The following ZNF20 variants were observed in gnomAD, a reference collection of about 807,000 sequenced individuals.
The protein encoded by ZNF20 is zinc finger protein KOX13.
In ZNF20, 9 loss-of-function variants were observed where a neutral mutation model predicts 11.0. That is an observed-to-expected ratio of 0.82 (90% CI 0.49 to 1.43). The LOEUF (loss-of-function observed/expected upper bound fraction) is 1.43, where lower values mean the gene tolerates loss of function less well. ZNF20 is among the 40% of genes most tolerant of loss of function. The probability of loss-of-function intolerance (pLI) is 0.00; values close to 1 mark genes in which losing one functional copy is unlikely to be tolerated. For missense variants in ZNF20, 528 were observed against 640.8 expected, an observed-to-expected ratio of 0.82 and a Z score of 1.90; for synonymous variants, 182 against 213.0, an observed-to-expected ratio of 0.85 and a Z score of 1.27.
rs1470251409 is a variant in ZNF20 at position 12,133,269 on chromosome 19, G to C, written c.917C>G (p.Thr306Ser). Residue 306 changes from threonine to serine, a missense_variant, in exon 4 of 4, where the codon ACT becomes AGT. Transcript: ENST00000334213. The stretch of plus-strand genomic sequence containing the variant: ...CTTACATTCATAGGGTTTCTCTCCA[G>C]TGTGAGTCATCTTATGATACTGAAT... Reference protein sequence around the residue: ...SSIQYHKMTHTGEKPYECKQC... With the variant: ...SSIQYHKMTHSGEKPYECKQC... 6.2e-7 allele frequency: 1 copy of C among 1,614,166 alleles called. No homozygotes were observed. The highest frequency in any genetic ancestry group is 1.7e-5 in the Admixed American group (1 of 60,018).
intron 1 of ZNF20, chr19:12,137,510 C>CTGTT (rs1359939528): frequency 6.6e-6 from 1 of 152,590 alleles, no homozygotes; most frequent in East Asian, 1.9e-4. Flanking sequence ...CACAGACCAC[C>CTGTT]TGTTAATCAC....
At chr19:12,140,050 G>T (rs1251570654) in intron 1 of ZNF20, 130 bp downstream of exon 1, 2 of 1,264,234 alleles carry the variant, frequency 1.6e-6, no homozygotes, top group South Asian at 1.3e-5. Context: ...GCAGGGACGA[G>T]CTGAGACAGA....
At chr19:12,137,516 A>G (rs1976731640) in intron 1 of ZNF20, 1 of 152,574 alleles carries the variant, frequency 6.6e-6, no homozygotes, top group South Asian at 2.1e-4. Flanking sequence ...CCACCTGTTA[A>G]TCACAGCCTG....
At chr19:12,137,453 C>G (rs1182017382) in intron 1 of ZNF20, among the ~76,000 whole-genome samples, 1 of 152,172 alleles carries the variant, frequency 6.6e-6, no homozygotes, top group Non-Finnish European at 1.5e-5. Flanking sequence ...AAAAGCTAGA[C>G]AGACCAACTT....
chr19:12,138,313 C>T lies in ZNF20; in HGVS notation c.3+1867G>A, dbSNP rs80025418. ...ACTTAAAATACATGGGGTATGGTGG[C>T]GCATACCTGTAAACCCAGCTACTCG... On this transcript the variant is annotated intron_variant, in intron 1 of 3. Coordinates refer to ENST00000334213, the MANE Select transcript of ZNF20 (RefSeq NM_021143.4). 7.3e-3 allele frequency among the ~76,000 whole-genome samples: 1,111 copies of T among 151,874 alleles called. 8 individuals carry two copies. Among genetic ancestry groups the T allele is most frequent in the African/African-American group, 0.026 (1,062 of 41,394 alleles).
chr19:12,134,004 A>G lies in ZNF20; in HGVS notation c.201-19T>C, dbSNP rs1599432130. On this transcript the variant is annotated intron_variant, in intron 3 of 3. Transcript: ENST00000334213. ...CATAAGACTTCAGTGAAAAATGAGA[A>G]GCACATTATTAACGGTTTGATTAAA... 1.3e-6 allele frequency: 2 copies of G among 1,585,622 alleles called. No homozygotes were observed. The highest frequency in any genetic ancestry group is 1.2e-5 in the South Asian group (1 of 86,830).
intron 3 of ZNF20, among the ~76,000 whole-genome samples, chr19:12,135,060 A>C (rs571499154): frequency 4.6e-5 from 7 of 152,156 alleles, no homozygotes; most frequent in African/African-American, 1.7e-4. Context: ...ACATTTAAAC[A>C]TATGTTTTTA....
intron 1 of ZNF20, chr19:12,137,301 GAAA>G (rs756283827): frequency 1.6e-5 from 2 of 128,088 alleles, no homozygotes; most frequent in Non-Finnish European, 3.4e-5. Context: ...GACTGTCTCA[GAAA>G]AAAAAAAAAA....
rs1351020059 is a variant in ZNF20, at chr19:12,139,181, G to A, written c.3+999C>T. Among the ~76,000 whole-genome samples the A allele has an allele frequency of 6.6e-6, 1 of 152,226 alleles. No individual in the cohort carries two copies. The highest frequency in any genetic ancestry group is 1.5e-5 in the Non-Finnish European group (1 of 68,046). ...TGAAAGGAAATACCTACTCCATAGGGCGTAAGCCAAGTAAATGATTTTATA... is the reference window on the plus strand; with the variant it reads ...TGAAAGGAAATACCTACTCCATAGGACGTAAGCCAAGTAAATGATTTTATA... On this transcript the variant is annotated intron_variant, in intron 1 of 3. Coordinates refer to ENST00000334213, the MANE Select transcript of ZNF20 (RefSeq NM_021143.4). The surrounding 1 kb of genome is among the most constrained non-coding windows in gnomAD (Gnocchi z 4.0).
In ZNF20 at chr19:12,138,365, G is replaced by A. The variant is rs1199380035; in HGVS notation, c.3+1815C>T. Among the ~76,000 whole-genome samples the A allele has an allele frequency of 8.7e-5, 13 of 149,656 alleles. No homozygotes were observed. In the Admixed American group the frequency reaches 8.7e-4, roughly 10 times the overall value. On this transcript the variant is annotated intron_variant, in intron 1 of 3. Transcript: ENST00000334213. ...GAGACTGAGGGCAGGAGAATCACCT[G>A]AACCTGGGAGGCGGAGGTTGCAGTG...
Position 12,135,766 on chromosome 19 carries a change from T to TA in ZNF20, c.139+2dup. ...CACTGGGAAGTAATATTGTCATTCT[T>TA]ACCTACAGAGGTCAGGTTCTTGAAG... On this transcript the variant is annotated splice_region_variant and intron_variant, in intron 2 of 3. Transcript: ENST00000334213. The TA allele has an allele frequency of 6.2e-7, 1 of 1,613,588 alleles. No individual in the cohort carries two copies. The highest frequency in any genetic ancestry group is 8.5e-7 in the Non-Finnish European group (1 of 1,179,844).
At position 12,139,874 on chromosome 19, in the gene ZNF20, C is replaced by CCCT. The variant is rs1228762817; in HGVS notation, c.3+303_3+305dup. Among the ~76,000 whole-genome samples, 1 of 152,172 alleles carries CCCT rather than the reference C, an allele frequency of 6.6e-6. No individual in the cohort carries two copies. Among genetic ancestry groups the CCCT allele is most frequent in the African/African-American group, 2.4e-5 (1 of 41,458 alleles). On this transcript the variant is annotated intron_variant, in intron 1 of 3. Coordinates refer to ENST00000334213, the MANE Select transcript of ZNF20 (RefSeq NM_021143.4). The surrounding 1 kb of genome is among the most constrained non-coding windows in gnomAD (Gnocchi z 4.0). ...AAAAATCCGCAGGATTCCCCCATGA[C>CCCT]CCTCCCGTGGTCCCCGCAAAATCTG...
intron 3 of ZNF20, among the ~76,000 whole-genome samples, chr19:12,134,922 G>T (rs1377286755): frequency 6.6e-6 from 1 of 151,868 alleles, no homozygotes; most frequent in Admixed American, 6.6e-5. Flanking sequence ...GTCCAAATTG[G>T]AGTGTAGTGG....
intron 3 of ZNF20, among the ~76,000 whole-genome samples, chr19:12,134,214 C>T (rs970102167): frequency 6.6e-5 from 10 of 151,952 alleles, no homozygotes; most frequent in African/African-American, 2.4e-4. Flanking sequence ...ATCCCAGCTA[C>T]TCGGGAGCCT....
rs140942160 is a variant in ZNF20 at position 12,138,242 on chromosome 19, C to T, written c.3+1938G>A. On this transcript the variant is annotated intron_variant, in intron 1 of 3. Coordinates refer to ENST00000334213, the MANE Select transcript of ZNF20 (RefSeq NM_021143.4). Reference sequence around the variant, plus strand: ...CTGAGGCAGGCAGATCATTTGAGCTCAGGAGTTCGAGACCAGCCTGACCAA... The same window carrying T: ...CTGAGGCAGGCAGATCATTTGAGCTTAGGAGTTCGAGACCAGCCTGACCAA... 1.2e-4 allele frequency among the ~76,000 whole-genome samples: 19 copies of T among 152,154 alleles called. No individual in the cohort carries two copies. The East Asian group carries it at 3.7e-3, about 29-fold the overall frequency.
At chr19:12,135,961 T>C (rs1976704691) in intron 1 of ZNF20, 57 bp from the exon 2 acceptor site, 1 of 1,586,044 alleles carries the variant, frequency 6.3e-7, no homozygotes, top group Non-Finnish European at 8.5e-7. Flanking sequence ...CTATACTTTA[T>C]TCCTAAGAAG....
intron 3 of ZNF20, 125 bp from the exon 4 acceptor site, chr19:12,134,110 G>C (rs1250722420): frequency 3.9e-6 from 3 of 775,266 alleles, no homozygotes; most frequent in Non-Finnish European, 5.9e-6. Context: ...GATCACCTGA[G>C]GTCAGGAGTT....
chr19:12,136,742 G>A (rs887706661), intron 1 of ZNF20: 2 of 318,238 alleles, frequency 6.3e-6, no homozygotes, highest in Non-Finnish European at 1.2e-5. Flanking sequence ...AGAGAAAATG[G>A]TATTAACAGA....
Position 12,139,932 on chromosome 19 carries a change from CAG to C in ZNF20, c.3+246_3+247del, listed in dbSNP as rs1336142053. 3.3e-5 allele frequency among the ~76,000 whole-genome samples: 5 copies of C among 152,320 alleles called. No homozygotes were observed. The highest frequency in any genetic ancestry group is 3.3e-4 in the Admixed American group (5 of 15,300). ...GCGGGGCTGCAGGCGCGGAGCTGCC[CAG>C]AGAGGGCTCCAGGGTCGGGGCCCAC... On this transcript the variant is annotated intron_variant, in intron 1 of 3. Coordinates refer to ENST00000334213, the MANE Select transcript of ZNF20 (RefSeq NM_021143.4). The surrounding 1 kb of genome is among the most constrained non-coding windows in gnomAD (Gnocchi z 4.0).
Sources: allele counts gnomAD v4.1 joint callset (sites outside exome capture counted in the v4.1 genomes callset), GRCh38; gene constraint gnomAD v4.1.1; non-coding constraint Gnocchi (gnomAD v3.1); transcripts MANE v1.5; gene names NCBI Gene and HGNC (gene_info 2026-07-23, HGNC 2026-07-21).